ACVR1B: variants seen among roughly 807,000 people sequenced by gnomAD.
ACVR1B encodes the protein activin A receptor type 1B.
Under a neutral mutation model 55.6 loss-of-function variants are expected in ACVR1B, and 15 were observed. That is an observed-to-expected ratio of 0.27 (90% CI 0.18 to 0.42). ACVR1B has a LOEUF of 0.42. Ranked by LOEUF, ACVR1B falls within the 10% of genes least tolerant of loss-of-function variation. ACVR1B has a pLI of 1.00. For synonymous variants in ACVR1B, 247 were observed against 254.6 expected, an observed-to-expected ratio of 0.97 and a Z score of 0.28; for missense variants, 359 against 670.1, an observed-to-expected ratio of 0.54 and a Z score of 5.13.
At chr12:51,971,840 A>G (rs988326299) in intron 1 of ACVR1B, among the ~76,000 whole-genome samples, 3 of 152,170 alleles carry the variant, frequency 2.0e-5, no homozygotes, top group South Asian at 2.1e-4. Flanking sequence ...GCTGGAAAGG[A>G]TTTTAGAGGT....
intron 1 of ACVR1B, among the ~76,000 whole-genome samples, chr12:51,954,857 G>C (rs1324281072): frequency 1.3e-5 from 2 of 152,204 alleles, no homozygotes; most frequent in African/African-American, 4.8e-5. Flanking sequence ...CAGTGAATAA[G>C]CAATGCTGGG....
Position 51,991,847 on chromosome 12 carries a change from CT to C in ACVR1B, c.1262-13del, listed in dbSNP as rs1344030723. ...CTGCTGTTGATAACTCAGGTAGATA[CT>C]TTCTTTTCTCCCAGGAGTCCATGAA... On this transcript the variant is annotated splice_polypyrimidine_tract_variant and intron_variant, in intron 7 of 8. Coordinates refer to ENST00000257963, the MANE Select transcript of ACVR1B (RefSeq NM_004302.5). 2 of 1,610,552 alleles carry C rather than the reference CT, an allele frequency of 1.2e-6. No homozygotes were observed. Among genetic ancestry groups the C allele is most frequent in the African/African-American group, 2.7e-5 (2 of 74,794 alleles).
intron 3 of ACVR1B, among the ~76,000 whole-genome samples, chr12:51,977,806 T>C (rs1811700532): frequency 1.4e-5 from 2 of 147,726 alleles, no homozygotes; most frequent in Non-Finnish European, 3.0e-5. Flanking sequence ...TTTTTTTTTT[T>C]GTGGAAGGTT....
intron 2 of ACVR1B, 142 bp from the exon 3 acceptor site, chr12:51,976,185 A>G (rs1216767464): frequency 4.0e-6 from 4 of 995,076 alleles, no homozygotes; most frequent in Non-Finnish European, 5.8e-6. Flanking sequence ...AGACTAGCCC[A>G]GAAGATTAGA....
At chr12:51,964,731 C>T (rs936061601) in intron 1 of ACVR1B, among the ~76,000 whole-genome samples, 2 of 152,210 alleles carry the variant, frequency 1.3e-5, no homozygotes, top group African/African-American at 4.8e-5. Flanking sequence ...TTCCTCCCCC[C>T]TGTATGTTCT....
At chr12:51,963,781 T>C (rs921799204) in intron 1 of ACVR1B, among the ~76,000 whole-genome samples, 2 of 152,218 alleles carry the variant, frequency 1.3e-5, no homozygotes, top group African/African-American at 4.8e-5. Context: ...TAAACATTTG[T>C]TTCAGTTATT....
intron 5 of ACVR1B, among the ~76,000 whole-genome samples, chr12:51,984,796 CTCA>C (rs1205036137): frequency 1.5e-4 from 23 of 152,222 alleles, no homozygotes; most frequent in Non-Finnish European, 1.2e-4. Context: ...GGTGCCAGTT[CTCA>C]TCATCGGGCC....
At chr12:51,980,882 G>A (rs1941964330) in intron 3 of ACVR1B, 87 bp from the exon 4 acceptor site, 2 of 1,087,898 alleles carry the variant, frequency 1.8e-6, no homozygotes. Context: ...CCATGTTAAG[G>A]GTGTTTCCGT....
rs1282425093 is a variant in ACVR1B, at chr12:51,995,383, G to C, written c.*1273G>C. The C allele has an allele frequency of 6.6e-6, 1 of 152,192 alleles. No homozygotes were observed. Among genetic ancestry groups the C allele is most frequent in the Non-Finnish European group, 1.5e-5 (1 of 67,998 alleles). The allele number at this position is 152,192 out of a possible 1,614,324, so 9.4% of individuals were successfully genotyped here. On this transcript the variant is annotated 3_prime_UTR_variant, in exon 9 of 9. Coordinates refer to ENST00000257963, the MANE Select transcript of ACVR1B (RefSeq NM_004302.5). ...TGATCAGGGTGGAGGGAAGGTGAGAGGTTTGCATCCACTTCAGGAGCCCTA... is the reference window on the plus strand; with the variant it reads ...TGATCAGGGTGGAGGGAAGGTGAGACGTTTGCATCCACTTCAGGAGCCCTA...
intron 6 of ACVR1B, among the ~76,000 whole-genome samples, chr12:51,986,483 C>T (rs1253929131): frequency 6.6e-6 from 1 of 152,256 alleles, no homozygotes; most frequent in African/African-American, 2.4e-5. Flanking sequence ...TGGTCTCCAA[C>T]TCCTGCCCTC....
intron 8 of ACVR1B, chr12:51,992,202 C>A: frequency 1.6e-6 from 1 of 630,312 alleles, no homozygotes; most frequent in Non-Finnish European, 2.7e-6. Flanking sequence ...AGTTCACAGC[C>A]TAGAAGAAGA....
intron 3 of ACVR1B, among the ~76,000 whole-genome samples, chr12:51,979,190 G>T (rs1941930921): frequency 1.4e-5 from 2 of 147,602 alleles, no homozygotes; most frequent in Non-Finnish European, 3.0e-5. Flanking sequence ...AAAAGGCCAG[G>T]CACGGTGGCT....
At chr12:51,993,894 G>T (rs757535149) in intron 8 of ACVR1B, 91 bp from the exon 9 acceptor site, 2 of 1,546,730 alleles carry the variant, frequency 1.3e-6, no homozygotes, top group African/African-American at 1.4e-5. Context: ...TGCACTGAGC[G>T]GGAGGTGGCA....
At chr12:51,966,032 G>A (rs1047705022) in intron 1 of ACVR1B, among the ~76,000 whole-genome samples, 2 of 151,690 alleles carry the variant, frequency 1.3e-5, no homozygotes, top group Non-Finnish European at 2.9e-5. Context: ...ACCTACACAG[G>A]ACCTGGAAAA....
At chr12:51,991,071 C>CATAT (rs1466055846) in intron 7 of ACVR1B, among the ~76,000 whole-genome samples, 1 of 152,184 alleles carries the variant, frequency 6.6e-6, no homozygotes, top group African/African-American at 2.4e-5. Flanking sequence ...ACTTCCCCTA[C>CATAT]ATATGTATTT....
chr12:51,975,199 G>A (rs1233377660), intron 1 of ACVR1B, 66 bp from the exon 2 acceptor site: 1 of 1,563,482 alleles, frequency 6.4e-7, no homozygotes. Flanking sequence ...TATATTCTAA[G>A]TTTGGAAAAG....
intron 4 of ACVR1B, chr12:51,982,814 C>G (rs2120680350): frequency 6.7e-7 from 1 of 1,501,396 alleles, no homozygotes; most frequent in Non-Finnish European, 8.8e-7. Context: ...ACTGAGTAAG[C>G]TATTCCTTTT....
intron 2 of ACVR1B, 65 bp from the exon 3 acceptor site, chr12:51,976,262 G>C (rs984423061): frequency 2.1e-5 from 33 of 1,582,238 alleles, no homozygotes; most frequent in Admixed American, 1.2e-4. Flanking sequence ...TTTGAGGGGG[G>C]TGTTTTTACT....
chr12:51,986,503 G>A (rs867836055), intron 6 of ACVR1B, among the ~76,000 whole-genome samples: 8 of 152,110 alleles, frequency 5.3e-5, no homozygotes, highest in East Asian at 1.9e-4. Context: ...CAGGTGATCC[G>A]CCCACCTTGG....
Sources: gnomAD v4.1 joint callset for allele counts (sites outside exome capture counted in the v4.1 genomes callset) on GRCh38, gnomAD v4.1.1 for gene constraint, MANE v1.5 for transcripts, NCBI Gene and HGNC (gene_info 2026-07-23, HGNC 2026-07-21) for gene names.